MGLL: variants seen among roughly 807,000 people sequenced by gnomAD.
MGLL encodes lysophospholipase homolog.
A neutral mutation model predicts 29.1 loss-of-function variants in MGLL; 7 were observed. The observed-to-expected ratio is 0.24, with a 90% CI of 0.14 to 0.45. MGLL has a LOEUF of 0.45. MGLL is among the 20% of genes least tolerant of loss of function. The pLI is 0.99. For synonymous variants in MGLL, 148 were observed against 168.3 expected, an observed-to-expected ratio of 0.88 and a Z score of 0.93; for missense variants, 356 against 413.6, an observed-to-expected ratio of 0.86 and a Z score of 1.21.
At chr3:127,780,519 C>T (rs2077105465) in intron 3 of MGLL, among the ~76,000 whole-genome samples, 1 of 152,212 alleles carries the variant, frequency 6.6e-6, no homozygotes, top group South Asian at 2.1e-4. Context: ...ACAAATATTA[C>T]TGGGACAGTT....
At chr3:127,710,776 C>T (rs2075696164) in intron 5 of MGLL, 111 bp from the exon 6 acceptor site, 5 of 1,012,434 alleles carry the variant, frequency 4.9e-6, no homozygotes, top group South Asian at 4.1e-5. Flanking sequence ...AACTGAACAT[C>T]AGCCAGGTTC....
chr3:127,706,414 C>G (rs1032943437), intron 6 of MGLL, among the ~76,000 whole-genome samples: 15 of 152,198 alleles, frequency 9.9e-5, no homozygotes, highest in African/African-American at 3.6e-4. Flanking sequence ...TTTTCTGCTG[C>G]CATTAAAGCA....
intron 3 of MGLL, among the ~76,000 whole-genome samples, chr3:127,746,919 G>C (rs1382050382): frequency 6.6e-6 from 1 of 152,140 alleles, no homozygotes; most frequent in Non-Finnish European, 1.5e-5. Context: ...TCAGGGGACG[G>C]GGTCTAGGAA....
chr3:127,773,909 A>G (rs577229057), intron 3 of MGLL, among the ~76,000 whole-genome samples: 1 of 152,218 alleles, frequency 6.6e-6, no homozygotes, highest in East Asian at 1.9e-4. Context: ...ACACTGCCAC[A>G]CAGCACACAG....
At chr3:127,754,502 TACTTGC>T (rs1359914535) in intron 3 of MGLL, among the ~76,000 whole-genome samples, 1 of 152,084 alleles carries the variant, frequency 6.6e-6, no homozygotes, top group Admixed American at 6.5e-5. Context: ...ACTGGATGAG[TACTTGC>T]AACGGCCCCG....
In MGLL at chr3:127,763,173, T is replaced by C. The variant is rs116517946; in HGVS notation, c.262+18616A>G. On this transcript the variant is annotated intron_variant, in intron 3 of 7. Coordinates refer to ENST00000265052, the MANE Select transcript of MGLL (RefSeq NM_007283.7). ...GGCAGGGTGCAGCGATGTGGATTCA[T>C]AGGATGTCAGGTGTGCGGTGAGTGT... 6.5e-3 allele frequency among the ~76,000 whole-genome samples: 985 copies of C among 152,206 alleles called. 17 individuals carry two copies. The highest frequency in any genetic ancestry group is 0.022 in the African/African-American group (923 of 41,532).
intron 6 of MGLL, among the ~76,000 whole-genome samples, chr3:127,705,776 CAA>C (rs36125403): frequency 1.6e-4 from 18 of 112,370 alleles, no homozygotes; most frequent in Admixed American, 3.9e-4. Context: ...AACTCCATCT[CAA>C]AAAAAAAAAA....
At chr3:127,785,309 G>A (rs993743830) in intron 2 of MGLL, among the ~76,000 whole-genome samples, 8 of 152,096 alleles carry the variant, frequency 5.3e-5, no homozygotes, top group African/African-American at 9.7e-5. Flanking sequence ...CTGTTGCCAC[G>A]AATACAGCTG....
Position 127,745,692 on chromosome 3 carries a change from T to G in MGLL, c.263-23126A>C, listed in dbSNP as rs552752304. Among the ~76,000 whole-genome samples, 70 of 152,238 alleles carry G rather than the reference T, an allele frequency of 4.6e-4. 1 individual carries two copies. The highest frequency in any genetic ancestry group is 6.6e-4 in the Non-Finnish European group (45 of 67,998). ...TGTACCCATACATTTATATGAATAA[T>G]AATAATAAAAAAGAAAGCCTGCTTC... On this transcript the variant is annotated intron_variant, in intron 3 of 7. Coordinates refer to ENST00000265052, the MANE Select transcript of MGLL (RefSeq NM_007283.7).
intron 3 of MGLL, among the ~76,000 whole-genome samples, chr3:127,726,310 GAGAA>G (rs2076045849): frequency 7.8e-6 from 1 of 128,018 alleles, no homozygotes; most frequent in South Asian, 2.5e-4. Flanking sequence ...GAGGGAGGGA[GAGAA>G]AGAAAGAGAA....
chr3:127,817,200 T>C (rs140878615), intron 2 of MGLL, among the ~76,000 whole-genome samples: 10 of 152,164 alleles, frequency 6.6e-5, no homozygotes, highest in African/African-American at 7.2e-5. Context: ...TGCAGGGGAA[T>C]TTGGAACAAA....
At chr3:127,811,027 C>T (rs1262497469) in intron 2 of MGLL, among the ~76,000 whole-genome samples, 2 of 149,232 alleles carry the variant, frequency 1.3e-5, no homozygotes, top group Non-Finnish European at 2.9e-5. Context: ...AGGGAATATT[C>T]TTCTTCTAGG....
chr3:127,768,059 T>G (rs1012817086), intron 3 of MGLL, among the ~76,000 whole-genome samples: 1 of 152,202 alleles, frequency 6.6e-6, no homozygotes, highest in African/African-American at 2.4e-5. Context: ...ATGTCTTGGA[T>G]GAAATCCACA....
chr3:127,716,959 G>T (rs2075828034), intron 5 of MGLL, among the ~76,000 whole-genome samples: 1 of 152,174 alleles, frequency 6.6e-6, no homozygotes, highest in African/African-American at 2.4e-5. Context: ...GGAAGGCCAG[G>T]ACATTTGTTT....
chr3:127,743,053 G>A (rs1164151100), intron 3 of MGLL, among the ~76,000 whole-genome samples: 1 of 152,206 alleles, frequency 6.6e-6, no homozygotes, highest in Non-Finnish European at 1.5e-5. Context: ...GACCTCAGGT[G>A]ATCCACCAGC....
intron 2 of MGLL, among the ~76,000 whole-genome samples, chr3:127,795,875 A>G (rs550359439): frequency 1.3e-5 from 2 of 152,374 alleles, no homozygotes; most frequent in East Asian, 3.9e-4. Context: ...CAATCTTATC[A>G]CCCAGTGATA....
At chr3:127,694,415 G>A (rs1421354366) in intron 7 of MGLL, among the ~76,000 whole-genome samples, 1 of 148,826 alleles carries the variant, frequency 6.7e-6, no homozygotes, top group African/African-American at 2.5e-5. Context: ...GTATATATAT[G>A]TGTGTGTGTA....
chr3:127,773,747 A>G (rs2107698225), intron 3 of MGLL, among the ~76,000 whole-genome samples: 1 of 152,262 alleles, frequency 6.6e-6, no homozygotes, highest in South Asian at 2.1e-4. Context: ...ATGTCGTTAC[A>G]AGGAGACTCA....
chr3:127,768,883 C>A (rs373623721), intron 3 of MGLL, among the ~76,000 whole-genome samples: 3 of 152,230 alleles, frequency 2.0e-5, no homozygotes, highest in Non-Finnish European at 4.4e-5. Context: ...ACCCTGGAGC[C>A]GGAGAGTGTG....
Sources: allele counts gnomAD v4.1 joint callset (sites outside exome capture counted in the v4.1 genomes callset), GRCh38; gene constraint gnomAD v4.1.1; transcripts MANE v1.5; gene names NCBI Gene and HGNC (gene_info 2026-07-23, HGNC 2026-07-21).